MORN5: variants seen among roughly 807,000 people sequenced by gnomAD.
MORN5 encodes MORN repeat containing 5.
Under a neutral mutation model 22.1 loss-of-function variants are expected in MORN5, and 21 were observed. The observed-to-expected ratio is 0.95, with a 90% CI of 0.67 to 1.37. The LOEUF is 1.37. Ranked by LOEUF, MORN5 falls within the 40% of genes most tolerant of loss-of-function variation. MORN5 has a pLI of 0.00. For missense variants in MORN5, 211 were observed against 215.1 expected (o/e 0.98, Z 0.12); for synonymous variants, 73 against 74.0 (o/e 0.99, Z 0.07).
chr9:122,185,917 C>A (rs1346967167), intron 4 of MORN5, among the ~76,000 whole-genome samples: 1 of 152,206 alleles, frequency 6.6e-6, no homozygotes, highest in Admixed American at 6.5e-5. Flanking sequence ...GAGACTCCCC[C>A]ACAGCCTCCT....
At position 122,199,940 on chromosome 9, in the gene MORN5, C is replaced by T. The variant is rs760551687; in HGVS notation, c.*9C>T. The T allele has an allele frequency of 2.5e-6, 4 of 1,613,926 alleles. No individual in the cohort carries two copies. Among genetic ancestry groups the T allele is most frequent in the African/African-American group, 1.3e-5 (1 of 75,050 alleles). On this transcript the variant is annotated 3_prime_UTR_variant, in exon 5 of 5. Transcript: ENST00000373764. ...CCTGTCGAAAGGGCTAGGATGAGATCGTGGGTCACAGGCCCGAGCCGTGAA... is the reference window on the plus strand; with the variant it reads ...CCTGTCGAAAGGGCTAGGATGAGATTGTGGGTCACAGGCCCGAGCCGTGAA...
chr9:122,165,108 A>G (rs1013602978), intron 1 of MORN5, among the ~76,000 whole-genome samples: 1 of 152,246 alleles, frequency 6.6e-6, no homozygotes, highest in African/African-American at 2.4e-5. Context: ...AGCCTAAAGA[A>G]GGTCAGAGTT....
At chr9:122,178,411 C>T (rs1334454104) in intron 4 of MORN5, among the ~76,000 whole-genome samples, 3 of 152,104 alleles carry the variant, frequency 2.0e-5, no homozygotes, top group African/African-American at 7.2e-5. Flanking sequence ...ATTGCTTGAA[C>T]CCAGGAGGCA....
intron 4 of MORN5, among the ~76,000 whole-genome samples, chr9:122,188,592 G>C (rs992930435): frequency 2.6e-5 from 4 of 152,256 alleles, no homozygotes. Flanking sequence ...TCAACGCAGA[G>C]GCTGTGGGGT....
intron 4 of MORN5, among the ~76,000 whole-genome samples, chr9:122,187,192 T>C (rs1829655228): frequency 6.6e-6 from 1 of 152,240 alleles, no homozygotes; most frequent in Admixed American, 6.5e-5. Context: ...GTGATCCTTT[T>C]ACACCCAGGG....
intron 4 of MORN5, 54 bp from the exon 5 acceptor site, chr9:122,199,831 A>T: frequency 6.2e-7 from 1 of 1,600,170 alleles, no homozygotes; most frequent in South Asian, 1.1e-5. Context: ...CCCCCAGGCC[A>T]GGAAAGGTCC....
In MORN5 at chr9:122,199,944, G is replaced by A; in HGVS notation, c.*13G>A. Reference sequence around the variant, plus strand: ...TCGAAAGGGCTAGGATGAGATCGTGGGTCACAGGCCCGAGCCGTGAACTCT... The same window carrying A: ...TCGAAAGGGCTAGGATGAGATCGTGAGTCACAGGCCCGAGCCGTGAACTCT... On this transcript the variant is annotated 3_prime_UTR_variant, in exon 5 of 5. Coordinates refer to ENST00000373764, the MANE Select transcript of MORN5 (RefSeq NM_198469.4). The A allele has an allele frequency of 1.2e-6, 2 of 1,613,972 alleles. No individual in the cohort carries two copies. Among genetic ancestry groups the A allele is most frequent in the Non-Finnish European group, 1.7e-6 (2 of 1,179,888 alleles).
intron 1 of MORN5, 28 bp downstream of exon 1, chr9:122,160,047 A>G (rs746243935): frequency 1.3e-6 from 2 of 1,593,258 alleles, no homozygotes; most frequent in African/African-American, 1.3e-5. Flanking sequence ...TTCACTTACT[A>G]TACCTTGAAT....
At chr9:122,182,487 A>G (rs1051803128) in intron 4 of MORN5, among the ~76,000 whole-genome samples, 7 of 152,238 alleles carry the variant, frequency 4.6e-5, no homozygotes, top group African/African-American at 1.4e-4. Flanking sequence ...GCAGTGGCTC[A>G]CGCCTGTAAT....
intron 3 of MORN5, among the ~76,000 whole-genome samples, chr9:122,173,636 TCC>T (rs957698918): frequency 2.6e-5 from 4 of 152,136 alleles, no homozygotes; most frequent in African/African-American, 9.7e-5. Flanking sequence ...TTCCAACCTC[TCC>T]CTTTACTTGA....
intron 2 of MORN5, among the ~76,000 whole-genome samples, chr9:122,167,769 C>G (rs1372779771): frequency 6.6e-6 from 1 of 152,174 alleles, no homozygotes; most frequent in Non-Finnish European, 1.5e-5. Context: ...TATTATCTTA[C>G]AGTTCTAGAG....
At chr9:122,170,188 C>T (rs1334988389) in intron 3 of MORN5, among the ~76,000 whole-genome samples, 2 of 151,738 alleles carry the variant, frequency 1.3e-5, no homozygotes, top group Non-Finnish European at 2.9e-5. Context: ...CCCAGCTACT[C>T]AGGAGGCTGA....
chr9:122,166,977 C>G, intron 2 of MORN5, 62 bp downstream of exon 2: 1 of 1,506,686 alleles, frequency 6.6e-7, no homozygotes, highest in South Asian at 1.2e-5. Flanking sequence ...GAGCCTCACC[C>G]TCTGGCACCC....
rs1205565260 is a variant in MORN5 at position 122,167,638 on chromosome 9, G to A, written c.195+723G>A. Among the ~76,000 whole-genome samples the A allele has an allele frequency of 4.6e-5, 7 of 152,062 alleles. No individual in the cohort carries two copies. The South Asian group carries it at 1.5e-3, about 32-fold the overall frequency. On this transcript the variant is annotated intron_variant, in intron 2 of 4. Coordinates refer to ENST00000373764, the MANE Select transcript of MORN5 (RefSeq NM_198469.4). ...TTACACCACTTACTGCCTGATCTTA[G>A]GCCCACGACTTCACCTCCCTGAGAG...
chr9:122,183,253 C>T (rs1437894071), intron 4 of MORN5, among the ~76,000 whole-genome samples: 4 of 152,204 alleles, frequency 2.6e-5, no homozygotes, highest in Admixed American at 2.0e-4. Context: ...CTAACTCTAG[C>T]CCTTCCCCCT....
chr9:122,189,994 C>G (rs958744324), intron 4 of MORN5, among the ~76,000 whole-genome samples: 1 of 152,020 alleles, frequency 6.6e-6, no homozygotes, highest in Non-Finnish European at 1.5e-5. Flanking sequence ...AAGAGATTTC[C>G]AAGGGTCATT....
At chr9:122,182,419 G>T (rs147486585) in intron 4 of MORN5, among the ~76,000 whole-genome samples, 1 of 152,358 alleles carries the variant, frequency 6.6e-6, no homozygotes, top group Non-Finnish European at 1.5e-5. Flanking sequence ...AAAGCTTATT[G>T]TGGAGGATCC....
intron 4 of MORN5, chr9:122,175,564 A>T (rs1254715305): frequency 4.1e-5 from 40 of 985,154 alleles, no homozygotes; most frequent in Non-Finnish European, 4.7e-5. Flanking sequence ...TTGCCAGAAA[A>T]ATGTCCAATG....
At chr9:122,173,321 G>A (rs920224972) in intron 3 of MORN5, among the ~76,000 whole-genome samples, 12 of 152,182 alleles carry the variant, frequency 7.9e-5, no homozygotes, top group African/African-American at 2.9e-4. Flanking sequence ...AGTGCCCCGC[G>A]ACCTCTTCGA....
Sources: allele counts gnomAD v4.1 joint callset (sites outside exome capture counted in the v4.1 genomes callset), GRCh38; gene constraint gnomAD v4.1.1; transcripts MANE v1.5; gene names NCBI Gene and HGNC (gene_info 2026-07-23, HGNC 2026-07-21).